Variants in RAD51B observed in about 807,000 individuals in gnomAD.
RAD51B encodes the protein RAD51 paralog B, also known as DNA repair protein RAD51 homolog 2.
Under a neutral mutation model 42.2 loss-of-function variants are expected in RAD51B, and 38 were observed. The observed-to-expected ratio is 0.90, with a 90% CI of 0.70 to 1.18. RAD51B has a LOEUF of 1.18. RAD51B is among the 50% of genes most tolerant of loss of function. RAD51B has a pLI of 0.00. For missense variants in RAD51B, 373 were observed against 400.7 expected (o/e 0.93, Z 0.59); for synonymous variants, 154 against 145.2 (o/e 1.06, Z -0.43).
downstream of RAD51B, chr14:68,596,022 A>C: frequency 9.5e-7 from 1 of 1,049,496 alleles, no homozygotes. Context: ...AAATACATTA[A>C]GAAAAAAAGA....
chr14:68,200,255 G>C (rs1283667348), intron 7 of RAD51B, among the ~76,000 whole-genome samples: 1 of 152,138 alleles, frequency 6.6e-6, no homozygotes, highest in Admixed American at 6.5e-5. Context: ...GCATGGGGGA[G>C]CCCAAGAACA....
In RAD51B at chr14:68,669,695, A is replaced by G. The variant is rs1893113233; in HGVS notation, c.*11+18839A>G. ...CCCATTGCATTCCCATCACAATCAC[A>G]TTTGTAGCAGAGCCCTGGGATTTGT... On this transcript the variant is annotated intron_variant, in intron 11 of 11. Coordinates refer to the RAD51B transcript ENST00000488612. 4.6e-5 allele frequency among the ~76,000 whole-genome samples: 7 copies of G among 151,832 alleles called. No individual in the cohort carries two copies. The South Asian group carries it at 1.5e-3, about 32-fold the overall frequency.
rs572112278 is a variant in RAD51B, at chr14:68,029,798, C to T, written c.756+142594C>T. ...TGTACCCAGATCCATCAGACGAATC[C>T]GTATCTGTGGCACTTACAGCCTCTT... On this transcript the variant is annotated intron_variant, in intron 7 of 10. Transcript: ENST00000471583. Among the ~76,000 whole-genome samples, 18 of 152,258 alleles carry T rather than the reference C, an allele frequency of 1.2e-4. No individual in the cohort carries two copies. In the East Asian group the frequency reaches 1.3e-3, roughly 11 times the overall value.
intron 8 of RAD51B, among the ~76,000 whole-genome samples, chr14:68,378,815 T>C (rs2083423292): frequency 6.6e-6 from 1 of 152,210 alleles, no homozygotes; most frequent in Non-Finnish European, 1.5e-5. Context: ...AGTTTATGTA[T>C]GCATTCTGCT....
At chr14:67,997,699 C>G (rs1349486880) in intron 7 of RAD51B, among the ~76,000 whole-genome samples, 1 of 152,140 alleles carries the variant, frequency 6.6e-6, no homozygotes, top group Non-Finnish European at 1.5e-5. Context: ...CACGTACTGT[C>G]CTGCCCTCTC....
intron 11 of RAD51B, among the ~76,000 whole-genome samples, chr14:68,660,660 G>A (rs1406183511): frequency 6.6e-6 from 1 of 152,200 alleles, no homozygotes; most frequent in Admixed American, 6.5e-5. Context: ...GTTCTGTAAA[G>A]TGGGAACACA....
At chr14:68,047,150 T>C (rs1296808089) in intron 7 of RAD51B, among the ~76,000 whole-genome samples, 1 of 152,132 alleles carries the variant, frequency 6.6e-6, no homozygotes, top group East Asian at 1.9e-4. Context: ...TATTTGTTTT[T>C]TGTACATTTT....
Position 67,947,150 on chromosome 14 carries a change from A to G in RAD51B, c.756+59946A>G, listed in dbSNP as rs149620832. On this transcript the variant is annotated intron_variant, in intron 7 of 10. Transcript: ENST00000471583. Reference sequence around the variant, plus strand: ...TTAAATATTAACTATTGCTATTACCATTATCATCATCATTAATAAACATCT... The same window carrying G: ...TTAAATATTAACTATTGCTATTACCGTTATCATCATCATTAATAAACATCT... Among the ~76,000 whole-genome samples, 97 of 152,316 alleles carry G rather than the reference A, an allele frequency of 6.4e-4. 1 individual carries two copies. In the East Asian group the frequency reaches 0.016, roughly 26 times the overall value.
intron 7 of RAD51B, among the ~76,000 whole-genome samples, chr14:68,128,248 C>G (rs535470908): frequency 6.6e-6 from 1 of 152,236 alleles, no homozygotes; most frequent in African/African-American, 2.4e-5. Context: ...CTTTTTGTGT[C>G]TCTATCTTTA....
intron 7 of RAD51B, among the ~76,000 whole-genome samples, chr14:68,139,143 G>C (rs1468587925): frequency 9.9e-5 from 15 of 151,874 alleles, no homozygotes. Flanking sequence ...CTTTCCTCTA[G>C]AACTATAACA....
intron 10 of RAD51B, among the ~76,000 whole-genome samples, chr14:68,507,697 A>C (rs1343628066): frequency 6.6e-6 from 1 of 152,186 alleles, no homozygotes; most frequent in Admixed American, 6.5e-5. Context: ...TTAACCATGG[A>C]ATATTCCATT....
In RAD51B at chr14:68,326,324, G is replaced by A. The variant is rs113114784; in HGVS notation, c.853+34344G>A. Among the ~76,000 whole-genome samples the A allele has an allele frequency of 8.1e-3, 1,236 of 152,190 alleles. 14 individuals are homozygous for A. The highest frequency in any genetic ancestry group is 0.029 in the African/African-American group (1,199 of 41,504). ...CAGAGTGCTAGGATTACAGGCATGA[G>A]CCACCAAGCCCGGCCAATGTTATTA... On this transcript the variant is annotated intron_variant, in intron 8 of 10. Coordinates refer to ENST00000471583, the MANE Select transcript of RAD51B (RefSeq NM_133510.4).
intron 7 of RAD51B, among the ~76,000 whole-genome samples, chr14:68,087,296 T>C (rs1187181067): frequency 6.6e-6 from 1 of 152,126 alleles, no homozygotes; most frequent in Non-Finnish European, 1.5e-5. Context: ...TGGATTAAGT[T>C]TGGGTTTGGG....
intron 11 of RAD51B, among the ~76,000 whole-genome samples, chr14:68,663,875 C>T (rs1444654315): frequency 6.6e-6 from 1 of 152,208 alleles, no homozygotes; most frequent in Non-Finnish European, 1.5e-5. Flanking sequence ...AGTCCCCTCT[C>T]ACAAATTCTT....
chr14:68,199,540 C>T (rs532405280), intron 7 of RAD51B, among the ~76,000 whole-genome samples: 1 of 152,238 alleles, frequency 6.6e-6, no homozygotes, highest in East Asian at 1.9e-4. Context: ...ATAGGCTTGA[C>T]AAAAGAAAAA....
intron 8 of RAD51B, among the ~76,000 whole-genome samples, chr14:68,383,339 G>C (rs962620321): frequency 2.0e-5 from 3 of 152,174 alleles, no homozygotes; most frequent in African/African-American, 7.2e-5. Context: ...TCACAGATGT[G>C]GAGGGATGCT....
chr14:67,958,646 A>T (rs1566978410), intron 7 of RAD51B, among the ~76,000 whole-genome samples: 1 of 152,184 alleles, frequency 6.6e-6, no homozygotes, highest in Non-Finnish European at 1.5e-5. Context: ...AACCTTTTGA[A>T]TAGTGTGGGA....
intron 7 of RAD51B, among the ~76,000 whole-genome samples, chr14:68,097,909 A>G (rs1396391542): frequency 3.9e-5 from 6 of 152,190 alleles, no homozygotes; most frequent in Middle Eastern, 3.4e-3. Flanking sequence ...ATGTCTCTTT[A>G]CTGACTTTGT....
intron 7 of RAD51B, among the ~76,000 whole-genome samples, chr14:68,228,322 ATATT>A (rs996822672): frequency 6.6e-6 from 1 of 152,164 alleles, no homozygotes. Flanking sequence ...CTTAGTGAAA[ATATT>A]TATCAGCTTA....
Sources: gnomAD v4.1 joint callset for allele counts (sites outside exome capture counted in the v4.1 genomes callset) on GRCh38, gnomAD v4.1.1 for gene constraint, MANE v1.5 for transcripts, NCBI Gene and HGNC (gene_info 2026-07-23, HGNC 2026-07-21) for gene names.